The following MSH3 variants were observed in gnomAD, a reference collection of about 807,000 sequenced individuals.
MSH3 encodes the protein DNA mismatch repair protein Msh3.
Under a neutral mutation model 123.3 loss-of-function variants are expected in MSH3, and 106 were observed. The ratio of observed to expected loss-of-function variants is 0.86; its 90% CI spans 0.73 to 1.01. The LOEUF (loss-of-function observed/expected upper bound fraction) is 1.01, where lower values mean the gene tolerates loss of function less well. MSH3 is among the 50% of genes least tolerant of loss of function. The pLI is 0.00. For synonymous variants in MSH3, 515 were observed against 481.4 expected (o/e 1.07, Z -0.91); for missense variants, 1,459 against 1,347.6 (o/e 1.08, Z -1.29).
chr5:80,665,031 T>C (rs1749535989), intron 2 of MSH3, 112 bp from the exon 3 acceptor site: 1 of 760,840 alleles, frequency 1.3e-6, no homozygotes, highest in Non-Finnish European at 2.2e-6. Flanking sequence ...TATAGTTAGA[T>C]TCATTGCTTT....
At chr5:80,750,334 G>A (rs983195600) in intron 12 of MSH3, among the ~76,000 whole-genome samples, 2 of 152,044 alleles carry the variant, frequency 1.3e-5, no homozygotes. Context: ...CAAAGTGACT[G>A]TACTGATTTA....
Position 80,805,217 on chromosome 5 carries a change from A to G in MSH3, c.2656-8367A>G, listed in dbSNP as rs574707139. 1.6e-3 allele frequency among the ~76,000 whole-genome samples: 249 copies of G among 152,324 alleles called. 1 individual carries two copies. The highest frequency in any genetic ancestry group is 5.9e-3 in the African/African-American group (244 of 41,568). On this transcript the variant is annotated intron_variant, in intron 19 of 23. Transcript: ENST00000265081. ...CCTGCTTCAGCAGTGTCTGGCTCTCAAAGTTGTAGCCTTGCTACCTAACCT... is the reference window on the plus strand; with the variant it reads ...CCTGCTTCAGCAGTGTCTGGCTCTCGAAGTTGTAGCCTTGCTACCTAACCT...
At chr5:80,714,024 C>T (rs1041763584) in intron 8 of MSH3, among the ~76,000 whole-genome samples, 11 of 150,910 alleles carry the variant, frequency 7.3e-5, no homozygotes, top group African/African-American at 2.7e-4. Flanking sequence ...CCTTCAGCAA[C>T]AGAGAGGCAT....
At chr5:80,721,983 GTGAT>G (rs1751090907) in intron 8 of MSH3, among the ~76,000 whole-genome samples, 1 of 152,184 alleles carries the variant, frequency 6.6e-6, no homozygotes, top group Non-Finnish European at 1.5e-5. Flanking sequence ...CTAAGAAACA[GTGAT>G]TGTTGTGTGG....
chr5:80,857,471 TCTTC>T, intron 21 of MSH3, among the ~76,000 whole-genome samples: 1 of 152,346 alleles, frequency 6.6e-6, no homozygotes, highest in African/African-American at 2.4e-5. Context: ...TGGTAAAATA[TCTTC>T]CTTAAACATT....
chr5:80,795,248 A>G (rs1744676829), intron 19 of MSH3, among the ~76,000 whole-genome samples: 1 of 152,160 alleles, frequency 6.6e-6, no homozygotes, highest in African/African-American at 2.4e-5. Flanking sequence ...AGTTTAATTT[A>G]TAATATGGAT....
At chr5:80,838,433 C>G (rs1196957803) in intron 20 of MSH3, among the ~76,000 whole-genome samples, 1 of 152,146 alleles carries the variant, frequency 6.6e-6, no homozygotes, top group Non-Finnish European at 1.5e-5. Flanking sequence ...GATGTGGTGT[C>G]AGGACAAAAT....
chr5:80,688,982 G>T (rs1041428952), intron 8 of MSH3, among the ~76,000 whole-genome samples: 2 of 152,094 alleles, frequency 1.3e-5, no homozygotes, highest in African/African-American at 4.8e-5. Flanking sequence ...ATGTGGAATG[G>T]CATACCAAAC....
intron 19 of MSH3, among the ~76,000 whole-genome samples, chr5:80,795,113 C>T (rs1207861928): frequency 2.6e-5 from 4 of 152,120 alleles, no homozygotes; most frequent in South Asian, 2.1e-4. Flanking sequence ...AGAGTAGTAG[C>T]GAGCTGGGAC....
At chr5:80,677,233 T>A (rs1561438976) in intron 7 of MSH3, among the ~76,000 whole-genome samples, 1 of 152,194 alleles carries the variant, frequency 6.6e-6, no homozygotes, top group African/African-American at 2.4e-5. Context: ...TGGTAATTAG[T>A]CTGAAATTCA....
At chr5:80,669,210 T>G (rs912532664) in intron 3 of MSH3, among the ~76,000 whole-genome samples, 6 of 152,224 alleles carry the variant, frequency 3.9e-5, no homozygotes, top group African/African-American at 1.4e-4. Flanking sequence ...TGTACATGTT[T>G]CTGGGTTTTC....
At chr5:80,680,443 A>G (rs548289653) in intron 8 of MSH3, among the ~76,000 whole-genome samples, 3 of 152,158 alleles carry the variant, frequency 2.0e-5, no homozygotes, top group African/African-American at 7.2e-5. Context: ...GGATAAATTC[A>G]TAAGTTGAAT....
intron 3 of MSH3, among the ~76,000 whole-genome samples, chr5:80,667,744 C>A (rs1340651800): frequency 2.0e-5 from 3 of 152,184 alleles, no homozygotes; most frequent in African/African-American, 7.2e-5. Context: ...CACAGTGGCG[C>A]CCAGAAGCTT....
intron 23 of MSH3, among the ~76,000 whole-genome samples, chr5:80,873,949 A>G (rs1746264775): frequency 6.6e-6 from 1 of 152,122 alleles, no homozygotes; most frequent in South Asian, 2.1e-4. Flanking sequence ...TTGTTTCCCA[A>G]ATATAAAATT....
At chr5:80,776,025 G>A (rs890200762) in intron 16 of MSH3, among the ~76,000 whole-genome samples, 3 of 151,994 alleles carry the variant, frequency 2.0e-5, no homozygotes, top group Admixed American at 6.6e-5. Flanking sequence ...GAGTAGCTGG[G>A]ACCACAGGAG....
intron 19 of MSH3, among the ~76,000 whole-genome samples, chr5:80,795,106 G>T (rs549367885): frequency 1.3e-5 from 2 of 152,220 alleles, no homozygotes; most frequent in Non-Finnish European, 2.9e-5. Flanking sequence ...AAAGCTCAGA[G>T]TAGTAGCGAG....
intron 3 of MSH3, among the ~76,000 whole-genome samples, chr5:80,667,834 G>A (rs1173993278): frequency 6.6e-6 from 1 of 152,208 alleles, no homozygotes; most frequent in Admixed American, 6.5e-5. Context: ...GCTCCCCAGA[G>A]GTCCACAGCT....
Position 80,854,144 on chromosome 5 carries a change from A to T in MSH3, c.2828A>T (p.Asp943Val). ...DGIFTRMGAA[D>V]NIYKGQSTFM... is the part of the protein sequence containing the mutation. ...CTTGCTTGTAGGATGGGTGCTGCAG[A>T]CAATATATATAAAGGACAGAGTACA... is the stretch of plus-strand genomic sequence containing the variant. The change falls in exon 21 of 24, where the codon GAC becomes GTC. Residue 943 changes from aspartate to valine, a missense_variant. By Grantham distance (152) the Asp-to-Val change is radical. Coordinates refer to ENST00000265081, the MANE Select transcript of MSH3 (RefSeq NM_002439.5). 6.2e-7 allele frequency: 1 copy of T among 1,613,600 alleles called. No homozygotes were observed. Among genetic ancestry groups the T allele is most frequent in the Non-Finnish European group, 8.5e-7 (1 of 1,179,660 alleles).
chr5:80,829,310 G>A (rs1380528592), intron 20 of MSH3, among the ~76,000 whole-genome samples: 1 of 152,140 alleles, frequency 6.6e-6, no homozygotes, highest in Non-Finnish European at 1.5e-5. Context: ...TCCTATTTTG[G>A]CTGATCCTAG....
Sources: allele counts gnomAD v4.1 joint callset (sites outside exome capture counted in the v4.1 genomes callset), GRCh38; gene constraint gnomAD v4.1.1; transcripts MANE v1.5; gene names NCBI Gene and HGNC (gene_info 2026-07-23, HGNC 2026-07-21).